The following VPS13A variants were observed in gnomAD, a reference collection of about 807,000 sequenced individuals.
VPS13A encodes the protein intermembrane lipid transfer protein VPS13A.
A neutral mutation model predicts 390.9 loss-of-function variants in VPS13A; 264 were observed. The ratio of observed to expected loss-of-function variants is 0.68; its 90% CI spans 0.61 to 0.75. VPS13A has a LOEUF of 0.75. Among genes scored for constraint, VPS13A ranks in the 30% least tolerant of loss-of-function variants. VPS13A has a pLI of 0.00. For missense variants in VPS13A, 3,409 were observed against 3,733.9 expected, an observed-to-expected ratio of 0.91 and a Z score of 2.27; for synonymous variants, 1,231 against 1,227.1, an observed-to-expected ratio of 1.00 and a Z score of -0.07.
chr9:77,330,854 T>C (rs1830242259), intron 45 of VPS13A, among the ~76,000 whole-genome samples: 1 of 152,180 alleles, frequency 6.6e-6, no homozygotes, highest in Admixed American at 6.6e-5. Context: ...TCCTTCCTTC[T>C]TCCTTGAGGT....
At chr9:77,370,209 A>C in intron 63 of VPS13A, 48 bp from the exon 64 acceptor site, 1 of 1,587,620 alleles carries the variant, frequency 6.3e-7, no homozygotes, top group Non-Finnish European at 8.6e-7. Context: ...TCATCTTTAA[A>C]AGTGAATATA....
chr9:77,337,551 G>T lies in VPS13A; in HGVS notation c.6378+14G>T, dbSNP rs368928690. The T allele has an allele frequency of 1.7e-5, 28 of 1,604,230 alleles. No individual in the cohort carries two copies. Among genetic ancestry groups the T allele is most frequent in the South Asian group, 1.2e-4 (11 of 88,520 alleles). On this transcript the variant is annotated intron_variant, in intron 47 of 71. Transcript: ENST00000360280. The stretch of plus-strand genomic sequence containing the variant: ...TATTATATAGAGGTATCGGCAAACT[G>T]ATTTAGTGCCTTCCTGTTTTTGATT...
At chr9:77,318,100 C>A in intron 40 of VPS13A, 135 bp from the exon 41 acceptor site, 1 of 525,448 alleles carries the variant, frequency 1.9e-6, no homozygotes, top group Non-Finnish European at 3.2e-6. Flanking sequence ...ATTTTATAAA[C>A]AATAAATTGT....
intron 31 of VPS13A, among the ~76,000 whole-genome samples, chr9:77,284,865 A>G (rs1310236803): frequency 9.9e-5 from 15 of 151,820 alleles, no homozygotes. Flanking sequence ...AACCACACCC[A>G]ACTAATTTTT....
chr9:77,278,987 G>A (rs1221426024), intron 26 of VPS13A, among the ~76,000 whole-genome samples: 1 of 152,204 alleles, frequency 6.6e-6, no homozygotes, highest in Non-Finnish European at 1.5e-5. Context: ...CCGGCCCCAG[G>A]ACAGCATCTA....
At position 77,420,630 on chromosome 9, in the gene VPS13A, A is replaced by T. The variant is rs1208533693; in HGVS notation, c.*4624A>T. On this transcript the variant is annotated 3_prime_UTR_variant, in exon 72 of 72. Transcript: ENST00000360280. ...AGTTTAACACCTGCTATGATGATAG[A>T]TATCACACTGCTATGATAGAAAATC... The T allele has an allele frequency of 2.0e-5, 3 of 152,214 alleles. No individual in the cohort carries two copies. The highest frequency in any genetic ancestry group is 4.4e-5 in the Non-Finnish European group (3 of 68,034). 9.4% of individuals were successfully genotyped at this position (152,214 alleles called of 1,614,324 possible).
intron 60 of VPS13A, among the ~76,000 whole-genome samples, chr9:77,365,992 A>T (rs973349568): frequency 1.3e-5 from 2 of 152,146 alleles, no homozygotes; most frequent in Non-Finnish European, 2.9e-5. Context: ...TTACTAAACA[A>T]CCATATATGT....
At chr9:77,313,660 G>T (rs969372758) in intron 35 of VPS13A, among the ~76,000 whole-genome samples, 3 of 152,048 alleles carry the variant, frequency 2.0e-5, no homozygotes, top group African/African-American at 7.2e-5. Context: ...GCCAGTTACT[G>T]TAATATGCAT....
intron 13 of VPS13A, among the ~76,000 whole-genome samples, chr9:77,223,397 G>C (rs1823332156): frequency 6.6e-6 from 1 of 152,164 alleles, no homozygotes; most frequent in African/African-American, 2.4e-5. Context: ...AGAAAGGCAT[G>C]TTGAAAGCAG....
At position 77,177,790 on chromosome 9, in the gene VPS13A, T is replaced by C. The variant is rs761086702; in HGVS notation, c.86T>C (p.Leu29Pro). Reference protein sequence around the residue: ...VVDLDTSQLSLGIWKGAVALK... With the variant: ...VVDLDTSQLSPGIWKGAVALK... The stretch of plus-strand genomic sequence containing the variant: ...GACTTGGACACGTCCCAGCTCTCTC[T>C]GGGCATCTGGAAAGGTAAGGAGGCC... The change falls in exon 1 of 72, where the codon CTG becomes CCG. Residue 29 changes from leucine (L) to proline (P), a missense_variant. By Grantham distance (98) the Leu-to-Pro change is moderately conservative. This residue lies in a region of VPS13A where 2,717 missense variants were observed against 2,917.4 expected (regional missense o/e 0.93). Coordinates refer to ENST00000360280, the MANE Select transcript of VPS13A (RefSeq NM_033305.3). 1 of 1,613,102 alleles carries C rather than the reference T, an allele frequency of 6.2e-7. No individual in the cohort carries two copies. The highest frequency in any genetic ancestry group is 1.1e-5 in the South Asian group (1 of 91,050).
At chr9:77,298,335 C>A (rs2131382076) in intron 33 of VPS13A, among the ~76,000 whole-genome samples, 1 of 152,178 alleles carries the variant, frequency 6.6e-6, no homozygotes, top group South Asian at 2.1e-4. Context: ...AGCACAGTCA[C>A]AAAGAAAGCT....
At chr9:77,351,549 C>T in intron 53 of VPS13A, 103 bp downstream of exon 53, 2 of 1,409,010 alleles carry the variant, frequency 1.4e-6, no homozygotes, top group Non-Finnish European at 2.0e-6. Flanking sequence ...TTTTGGGAGG[C>T]TGAGGTGGGC....
At chr9:77,282,519 A>G (rs192982631) in intron 29 of VPS13A, among the ~76,000 whole-genome samples, 1 of 152,154 alleles carries the variant, frequency 6.6e-6, no homozygotes, top group Admixed American at 6.5e-5. Flanking sequence ...ATTATATAGT[A>G]GGAGTATTAG....
At position 77,307,966 on chromosome 9, in the gene VPS13A, A is replaced by AT; in HGVS notation, c.3983dup (p.Thr1329AsnfsTer5). The AT allele has an allele frequency of 6.3e-7, 1 of 1,594,168 alleles. No homozygotes were observed. On this transcript the variant is annotated frameshift_variant, in exon 35 of 72. Transcript: ENST00000360280. LOFTEE classifies it high-confidence loss of function. The stretch of plus-strand genomic sequence containing the variant: ...ACAGTTCATTCTTAGTCAAGAAGAT[A>AT]TAACAACTATTTTTAAAACATTGCA...
At chr9:77,227,006 T>C (rs1027302186) in intron 15 of VPS13A, among the ~76,000 whole-genome samples, 1 of 152,130 alleles carries the variant, frequency 6.6e-6, no homozygotes, top group African/African-American at 2.4e-5. Context: ...TTATTAGCAG[T>C]GTGTCTCTGG....
chr9:77,219,071 A>G (rs1175362442), intron 10 of VPS13A, among the ~76,000 whole-genome samples: 1 of 152,148 alleles, frequency 6.6e-6, no homozygotes, highest in Non-Finnish European at 1.5e-5. Flanking sequence ...GATGTGAAGC[A>G]GAGGTGAAGG....
chr9:77,185,904 A>T lies in VPS13A; in HGVS notation c.100+8100A>T, dbSNP rs1453991155. Among the ~76,000 whole-genome samples the T allele has an allele frequency of 3.3e-5, 5 of 152,262 alleles. No individual in the cohort carries two copies. In the South Asian group the frequency reaches 8.3e-4, roughly 25 times the overall value. ...CATTTTGGGGGACTGAGGCTGGCGG[A>T]TCATTTAAGGTTAAGAGTACGAGAC... On this transcript the variant is annotated intron_variant, in intron 1 of 71. Coordinates refer to ENST00000360280, the MANE Select transcript of VPS13A (RefSeq NM_033305.3).
At chr9:77,366,246 T>G (rs892231823) in intron 60 of VPS13A, among the ~76,000 whole-genome samples, 13 of 152,068 alleles carry the variant, frequency 8.5e-5, no homozygotes, top group African/African-American at 3.1e-4. Flanking sequence ...GGCAAAATCA[T>G]CTAACACAAT....
intron 41 of VPS13A, among the ~76,000 whole-genome samples, chr9:77,318,887 TA>T (rs1296444501): frequency 1.3e-5 from 2 of 152,142 alleles, no homozygotes; most frequent in Non-Finnish European, 2.9e-5. Context: ...AGATTCAGAA[TA>T]TTTTTTTTAA....
Sources: allele counts gnomAD v4.1 joint callset (sites outside exome capture counted in the v4.1 genomes callset), GRCh38; gene constraint gnomAD v4.1.1; regional missense constraint gnomAD v4.1.1; transcripts MANE v1.5; gene names NCBI Gene and HGNC (gene_info 2026-07-23, HGNC 2026-07-21).